The following ME2 variants were observed in gnomAD, a reference collection of about 807,000 sequenced individuals.
The protein encoded by ME2 is malic enzyme 2.
ME2 carries 60 observed loss-of-function variants against 73.7 expected under a neutral mutation model. The ratio of observed to expected loss-of-function variants is 0.81; its 90% CI spans 0.66 to 1.01. The LOEUF (loss-of-function observed/expected upper bound fraction) is 1.01, where lower values mean the gene tolerates loss of function less well. Ranked by LOEUF, ME2 falls within the 50% of genes least tolerant of loss-of-function variation. The pLI is 0.00. For synonymous variants in ME2, 199 were observed against 236.9 expected, an observed-to-expected ratio of 0.84 and a Z score of 1.47; for missense variants, 594 against 705.5, an observed-to-expected ratio of 0.84 and a Z score of 1.79.
intron 2 of ME2, among the ~76,000 whole-genome samples, chr18:50,900,739 C>G (rs977748949): frequency 6.6e-6 from 1 of 152,118 alleles, no homozygotes; most frequent in African/African-American, 2.4e-5. Flanking sequence ...TTCCCCCATG[C>G]TGTTCTTGTG....
At chr18:50,944,423 T>A (rs527632856) in intron 15 of ME2, among the ~76,000 whole-genome samples, 6 of 151,938 alleles carry the variant, frequency 3.9e-5, no homozygotes, top group Non-Finnish European at 7.4e-5. Flanking sequence ...AAGTGGTGAG[T>A]AGAGGAGGCA....
chr18:50,944,367 C>T (rs8085716), intron 15 of ME2, among the ~76,000 whole-genome samples: 3,063 of 152,250 alleles, frequency 0.02, 94 homozygotes, highest in African/African-American at 0.069. Context: ...AGAGAGTGTG[C>T]TGTGTCTGCA....
At chr18:50,918,327 C>T (rs1917335200) in intron 7 of ME2, 114 bp downstream of exon 7, 1 of 575,176 alleles carries the variant, frequency 1.7e-6, no homozygotes, top group South Asian at 3.2e-5. Flanking sequence ...AAGCAGGAGG[C>T]GATTAAATTT....
chr18:50,931,613 T>A (rs533516290), intron 12 of ME2, among the ~76,000 whole-genome samples: 172 of 152,276 alleles, frequency 1.1e-3, no homozygotes, highest in Non-Finnish European at 2.0e-3. Flanking sequence ...AGTGTTTATA[T>A]TGGTCTTTAT....
chr18:50,880,453 A>C (rs1314052319), intron 1 of ME2, among the ~76,000 whole-genome samples: 1 of 152,184 alleles, frequency 6.6e-6, no homozygotes, highest in Non-Finnish European at 1.5e-5. Flanking sequence ...CAATTTACAA[A>C]TACTCTGTAA....
At chr18:50,908,530 A>G (rs1204510393) in intron 3 of ME2, among the ~76,000 whole-genome samples, 1 of 152,228 alleles carries the variant, frequency 6.6e-6, no homozygotes, top group Non-Finnish European at 1.5e-5. Context: ...TGTACCAGCC[A>G]CTGAGGCTAT....
rs150141071 is a variant in ME2, at chr18:50,895,840, T to G, written c.20T>G (p.Val7Gly). The change falls in exon 2 of 16, where the codon GTA becomes GGA. Residue 7 changes from valine to glycine, a missense_variant. Val to Gly is a moderately radical substitution (Grantham distance 109). Coordinates refer to ENST00000321341, the MANE Select transcript of ME2 (RefSeq NM_002396.5). MLSRLRVVSTTCTLACR... is the reference protein window; with the variant it reads MLSRLRGVSTTCTLACR... ...GAAAAGATGTTGTCCCGGTTAAGAG[T>G]AGTTTCCACCACTTGTACTTTGGCA... 1.2e-5 allele frequency: 20 copies of G among 1,612,634 alleles called. No individual in the cohort carries two copies. In the African/African-American group the frequency reaches 1.9e-4, roughly 15 times the overall value.
chr18:50,900,764 C>T (rs1916870201), intron 2 of ME2, among the ~76,000 whole-genome samples: 1 of 152,006 alleles, frequency 6.6e-6, no homozygotes, highest in South Asian at 2.1e-4. Flanking sequence ...TGAGTGAGTT[C>T]TCACAAGATC....
At chr18:50,890,737 C>A (rs1485043640) in intron 1 of ME2, among the ~76,000 whole-genome samples, 1 of 152,046 alleles carries the variant, frequency 6.6e-6, no homozygotes, top group Non-Finnish European at 1.5e-5. Flanking sequence ...TTCTTTATAT[C>A]TAGTTGTTTT....
chr18:50,914,140 A>G (rs748897488), intron 4 of ME2, among the ~76,000 whole-genome samples: 1 of 152,178 alleles, frequency 6.6e-6, no homozygotes, highest in African/African-American at 2.4e-5. Flanking sequence ...GATGAAAAAG[A>G]AAAAAGGTCT....
At chr18:50,940,702 G>A (rs1211160443) in intron 15 of ME2, among the ~76,000 whole-genome samples, 1 of 152,164 alleles carries the variant, frequency 6.6e-6, no homozygotes, top group African/African-American at 2.4e-5. Flanking sequence ...TTGGCCTGAA[G>A]CGATCCTCCT....
intron 12 of ME2, among the ~76,000 whole-genome samples, chr18:50,929,314 C>T (rs1301213755): frequency 3.3e-5 from 5 of 151,652 alleles, no homozygotes; most frequent in South Asian, 2.1e-4. Flanking sequence ...AGGTGAAACC[C>T]TGTCTCTACT....
intron 2 of ME2, among the ~76,000 whole-genome samples, chr18:50,907,302 G>T (rs765800466): frequency 2.0e-5 from 3 of 152,104 alleles, no homozygotes; most frequent in Non-Finnish European, 2.9e-5. Context: ...GTTAGTTTTC[G>T]ATTTAAAACT....
intron 1 of ME2, among the ~76,000 whole-genome samples, chr18:50,886,065 G>T (rs1916457278): frequency 6.6e-6 from 1 of 151,648 alleles, no homozygotes; most frequent in East Asian, 1.9e-4. Context: ...TCCATTATTA[G>T]ATTCAGATAG....
chr18:50,897,013 T>C (rs1468135000), intron 2 of ME2, among the ~76,000 whole-genome samples: 1 of 152,254 alleles, frequency 6.6e-6, no homozygotes, highest in Non-Finnish European at 1.5e-5. Context: ...CCAGTTCTCC[T>C]GTAGAACCTT....
At chr18:50,897,630 G>A (rs183387798) in intron 2 of ME2, among the ~76,000 whole-genome samples, 50 of 152,276 alleles carry the variant, frequency 3.3e-4, no homozygotes, top group Non-Finnish European at 3.1e-4. Flanking sequence ...GGAGGCTGAG[G>A]TGGGCGGATC....
chr18:50,951,826 C>T lies in ME2; in HGVS notation c.*4642C>T, dbSNP rs1283288496. On this transcript the variant is annotated 3_prime_UTR_variant, in exon 16 of 16. Coordinates refer to ENST00000321341, the MANE Select transcript of ME2 (RefSeq NM_002396.5). Reference sequence around the variant, plus strand: ...AGGTTGCAGTGAGCTGAGATCGCACCGCTGCACTCCAGCCTGGGCGACAGA... The same window carrying T: ...AGGTTGCAGTGAGCTGAGATCGCACTGCTGCACTCCAGCCTGGGCGACAGA... 2 of 137,504 alleles carry T rather than the reference C, an allele frequency of 1.5e-5. No homozygotes were observed. Among genetic ancestry groups the T allele is most frequent in the Admixed American group, 8.3e-5 (1 of 12,052 alleles). The allele number at this position is 137,504 out of a possible 1,614,324, so 8.5% of individuals were successfully genotyped here.
intron 2 of ME2, among the ~76,000 whole-genome samples, chr18:50,904,901 A>G (rs1300636728): frequency 1.3e-5 from 2 of 151,736 alleles, no homozygotes; most frequent in African/African-American, 4.8e-5. Context: ...ATCTCTTGAA[A>G]TATTATTCTG....
intron 1 of ME2, among the ~76,000 whole-genome samples, chr18:50,882,330 T>C (rs1916344182): frequency 6.6e-6 from 1 of 152,198 alleles, no homozygotes. Flanking sequence ...ACTTGCCCTT[T>C]GACCACTCTG....
Sources: allele counts gnomAD v4.1 joint callset (sites outside exome capture counted in the v4.1 genomes callset), GRCh38; gene constraint gnomAD v4.1.1; transcripts MANE v1.5; gene names NCBI Gene and HGNC (gene_info 2026-07-23, HGNC 2026-07-21).